RBFOX1: variants seen among roughly 807,000 people sequenced by gnomAD.
RBFOX1 encodes RNA binding protein fox-1 homolog 1.
Under a neutral mutation model 57.7 loss-of-function variants are expected in RBFOX1, and 8 were observed. The ratio of observed to expected loss-of-function variants is 0.14; its 90% CI spans 0.08 to 0.25. The LOEUF is 0.25. RBFOX1 is among the 10% of genes least tolerant of loss of function. The pLI is 1.00. For synonymous variants in RBFOX1, 326 were observed against 222.4 expected (o/e 1.47, Z -4.15); for missense variants, 611 against 548.5 (o/e 1.11, Z -1.14).
intron 3 of RBFOX1, among the ~76,000 whole-genome samples, chr16:5,700,447 T>A (rs1043785698): frequency 6.6e-6 from 1 of 152,226 alleles, no homozygotes; most frequent in East Asian, 1.9e-4. Context: ...TGGCTCACGT[T>A]CCTCATGAAA....
chr16:7,077,009 G>C (rs765133899), intron 4 of RBFOX1, among the ~76,000 whole-genome samples: 1 of 152,212 alleles, frequency 6.6e-6, no homozygotes, highest in Non-Finnish European at 1.5e-5. Flanking sequence ...GGTGGGCAAA[G>C]ACATCCATCT....
intron 3 of RBFOX1, among the ~76,000 whole-genome samples, chr16:6,664,435 A>T (rs954805813): frequency 2.6e-5 from 4 of 152,322 alleles, no homozygotes; most frequent in African/African-American, 9.6e-5. Context: ...TAGCGTCAGC[A>T]AATCATCTTG....
intron 2 of RBFOX1, among the ~76,000 whole-genome samples, chr16:6,595,943 TTTTTATTAAG>T (rs1164011258): frequency 2.0e-5 from 3 of 152,136 alleles, no homozygotes; most frequent in Non-Finnish European, 4.4e-5. Flanking sequence ...GTTGGAAACT[TTTTTATTAAG>T]TTTTATATAA....
intron 2 of RBFOX1, among the ~76,000 whole-genome samples, chr16:6,495,834 C>G (rs80302727): frequency 1.1e-4 from 16 of 152,268 alleles, no homozygotes; most frequent in Admixed American, 9.8e-4. Flanking sequence ...CTATTGAAGA[C>G]GTGGAATTGT....
intron 4 of RBFOX1, among the ~76,000 whole-genome samples, chr16:7,302,254 A>G (rs1293410713): frequency 1.3e-5 from 2 of 152,224 alleles, no homozygotes; most frequent in Non-Finnish European, 2.9e-5. Context: ...AGTGTTAGGC[A>G]GAGTGAAGAC....
chr16:5,385,539 A>G (rs910966382), intron 1 of RBFOX1, among the ~76,000 whole-genome samples: 31 of 152,232 alleles, frequency 2.0e-4, no homozygotes, highest in African/African-American at 7.2e-4. Flanking sequence ...TCAAAGAATG[A>G]CATGGCTTTC....
At chr16:5,649,593 C>G (rs1213030237) in intron 3 of RBFOX1, among the ~76,000 whole-genome samples, 1 of 152,234 alleles carries the variant, frequency 6.6e-6, no homozygotes, top group African/African-American at 2.4e-5. Flanking sequence ...TCGTCTCCCT[C>G]TCTCATTTCC....
At chr16:6,643,910 G>A (rs946893594) in intron 2 of RBFOX1, among the ~76,000 whole-genome samples, 4 of 152,128 alleles carry the variant, frequency 2.6e-5, no homozygotes, top group Non-Finnish European at 4.4e-5. Context: ...TGGATCACCT[G>A]AGGTCAGGAG....
At chr16:5,502,843 G>T (rs1227458146) in intron 2 of RBFOX1, among the ~76,000 whole-genome samples, 1 of 152,186 alleles carries the variant, frequency 6.6e-6, no homozygotes, top group African/African-American at 2.4e-5. Flanking sequence ...CTGAGAAATA[G>T]CCAGGGCAGG....
chr16:6,126,413 A>G (rs1212295361), intron 1 of RBFOX1, among the ~76,000 whole-genome samples: 4 of 151,450 alleles, frequency 2.6e-5, no homozygotes, highest in Non-Finnish European at 5.9e-5. Flanking sequence ...GGTGATTCTT[A>G]TTTTTTTTTA....
At chr16:7,669,906 A>G (rs1568376839) in intron 13 of RBFOX1, among the ~76,000 whole-genome samples, 1 of 152,298 alleles carries the variant, frequency 6.6e-6, no homozygotes, top group East Asian at 1.9e-4. Context: ...TCCACCAAGA[A>G]ATCAGGCGAA....
intron 4 of RBFOX1, among the ~76,000 whole-genome samples, chr16:7,287,215 A>G (rs750876298): frequency 1.3e-5 from 2 of 152,198 alleles, no homozygotes; most frequent in African/African-American, 2.4e-5. Context: ...GTCTTGATCT[A>G]TGTACAAAGA....
intron 1 of RBFOX1, among the ~76,000 whole-genome samples, chr16:5,241,614 C>T (rs1207788024): frequency 6.6e-6 from 1 of 152,190 alleles, no homozygotes; most frequent in Non-Finnish European, 1.5e-5. Context: ...TTACTGTCTT[C>T]AGTGGCAAAT....
chr16:5,270,477 G>A (rs1310168470), intron 1 of RBFOX1: 18 of 737,838 alleles, frequency 2.4e-5, no homozygotes, highest in South Asian at 2.2e-4. Context: ...AACTTCTATG[G>A]CATGGGTCTT....
At chr16:7,417,062 T>C (rs2098485021) in intron 4 of RBFOX1, among the ~76,000 whole-genome samples, 1 of 152,078 alleles carries the variant, frequency 6.6e-6, no homozygotes, top group Non-Finnish European at 1.5e-5. Flanking sequence ...TTCATTTATA[T>C]TTAATTTTAA....
intron 3 of RBFOX1, among the ~76,000 whole-genome samples, chr16:6,893,329 A>C (rs8044875): frequency 0.21 from 31,847 of 152,146 alleles, 3,536 homozygotes; most frequent in South Asian, 0.39. Context: ...GATCAAACTC[A>C]TATAGGTCAT....
rs138974914 is a variant in RBFOX1 at position 7,007,058 on chromosome 16, C to G, written c.-15-44999C>G. ...GAAATCTAGTTGGCTCATCTGGTTT[C>G]TACACTGTGAGTTTTTCTCAACGCT... On this transcript the variant is annotated intron_variant, in intron 3 of 15. Transcript: ENST00000550418. Among the ~76,000 whole-genome samples the G allele has an allele frequency of 1.5e-4, 23 of 152,296 alleles. No homozygotes were observed. In the East Asian group the frequency reaches 3.7e-3, roughly 24 times the overall value.
chr16:6,334,581 A>G (rs999884467), intron 2 of RBFOX1, among the ~76,000 whole-genome samples: 1 of 151,968 alleles, frequency 6.6e-6, no homozygotes, highest in Non-Finnish European at 1.5e-5. Flanking sequence ...TCAATATCCC[A>G]TAGATTTAGG....
Position 5,770,399 on chromosome 16 carries a change from A to T in RBFOX1, c.319-96904A>T, listed in dbSNP as rs551907413. The stretch of plus-strand genomic sequence containing the variant: ...TACAAATGCCATGGTAACACCTGGA[A>T]GTTACCTTATAGGGTTTAAAAGGGG... On this transcript the variant is annotated intron_variant, in intron 3 of 19. Coordinates refer to the RBFOX1 transcript ENST00000641259. Among the ~76,000 whole-genome samples, 4 of 152,340 alleles carry T rather than the reference A, an allele frequency of 2.6e-5. No homozygotes were observed. In the South Asian group the frequency reaches 8.3e-4, roughly 32 times the overall value.
Sources: gnomAD v4.1 joint callset for allele counts (sites outside exome capture counted in the v4.1 genomes callset) on GRCh38, gnomAD v4.1.1 for gene constraint, MANE v1.5 for transcripts, NCBI Gene and HGNC (gene_info 2026-07-23, HGNC 2026-07-21) for gene names.